The following CFHR5 variants were observed in gnomAD, a reference collection of about 807,000 sequenced individuals.
CFHR5 encodes complement factor H related 5.
CFHR5 carries 73 observed loss-of-function variants against 62.9 expected under a neutral mutation model. The observed-to-expected ratio is 1.16, with a 90% confidence interval of 0.96 to 1.41. The LOEUF (loss-of-function observed/expected upper bound fraction) is 1.41. Among genes scored for constraint, CFHR5 ranks in the 40% most tolerant of loss-of-function variants. The pLI is 0.00. For synonymous variants in CFHR5, 249 were observed against 227.2 expected, an observed-to-expected ratio of 1.10 and a Z score of -0.86; for missense variants, 779 against 679.9, an observed-to-expected ratio of 1.15 and a Z score of -1.62.
chr1:197,007,693 T>A (rs902209608), intron 9 of CFHR5, among the ~76,000 whole-genome samples: 2 of 147,850 alleles, frequency 1.4e-5, no homozygotes, highest in East Asian at 1.9e-4. Context: ...TAAGTATGTA[T>A]GTATAATATA....
chr1:196,997,855 ACTAT>A (rs1267941415), intron 6 of CFHR5, among the ~76,000 whole-genome samples: 2 of 152,126 alleles, frequency 1.3e-5, no homozygotes, highest in South Asian at 4.1e-4. Flanking sequence ...CTTCCTAAGA[ACTAT>A]CTTTCAGTCA....
At chr1:196,995,598 C>T (rs1186297138) in intron 4 of CFHR5, 119 bp from the exon 5 acceptor site, 24 of 805,586 alleles carry the variant, frequency 3.0e-5, no homozygotes, top group Admixed American at 6.1e-5. Flanking sequence ...AAACACATGT[C>T]CCCAAAAATA....
At chr1:196,979,312 G>A (rs1653476889) in intron 1 of CFHR5, among the ~76,000 whole-genome samples, 1 of 150,532 alleles carries the variant, frequency 6.6e-6, no homozygotes, top group Admixed American at 6.6e-5. Flanking sequence ...CTTAATGATA[G>A]GAAAACGTTC....
chr1:196,997,211 A>G (rs1654015529), intron 6 of CFHR5, among the ~76,000 whole-genome samples: 1 of 152,134 alleles, frequency 6.6e-6, no homozygotes, highest in Non-Finnish European at 1.5e-5. Flanking sequence ...CCGTTGTCCC[A>G]GCAAATACCT....
chr1:196,982,847 C>A, intron 1 of CFHR5, 38 bp from the exon 2 acceptor site: 1 of 1,565,002 alleles, frequency 6.4e-7, no homozygotes, highest in African/African-American at 1.4e-5. Context: ...CGATGTAGCT[C>A]TTTATTTAAT....
chr1:196,978,230 T>C (rs764132520), intron 1 of CFHR5, among the ~76,000 whole-genome samples: 9 of 152,258 alleles, frequency 5.9e-5, no homozygotes, highest in Middle Eastern at 3.4e-3. Context: ...GAAAATATTA[T>C]TTTTATATAT....
At chr1:196,994,639 A>G (rs1653940828) in intron 4 of CFHR5, among the ~76,000 whole-genome samples, 1 of 152,186 alleles carries the variant, frequency 6.6e-6, no homozygotes. Flanking sequence ...TCATTAGAAA[A>G]CAGTGATGAT....
intron 3 of CFHR5, among the ~76,000 whole-genome samples, chr1:196,987,214 T>A (rs187196180): frequency 2.1e-3 from 312 of 148,096 alleles, no homozygotes; most frequent in African/African-American, 8.0e-3. Flanking sequence ...TTTGATGGGG[T>A]TTTTTCTTGT....
chr1:197,001,638 G>T (rs553229335), intron 7 of CFHR5, among the ~76,000 whole-genome samples: 374 of 151,620 alleles, frequency 2.5e-3, no homozygotes, highest in African/African-American at 8.8e-3. Context: ...TGTCATGTTG[G>T]TGTGCTGCAC....
At chr1:197,001,093 T>C (rs1654142038) in intron 7 of CFHR5, among the ~76,000 whole-genome samples, 1 of 152,176 alleles carries the variant, frequency 6.6e-6, no homozygotes, top group Non-Finnish European at 1.5e-5. Context: ...AAAAGACTGG[T>C]CTTGTTAATG....
chr1:197,002,475 T>TAA lies in CFHR5; in HGVS notation c.1148-7_1148-6insAA. The TAA allele has an allele frequency of 6.2e-7, 1 of 1,608,522 alleles. No homozygotes were observed. The highest frequency in any genetic ancestry group is 8.5e-7 in the Non-Finnish European group (1 of 1,175,554). On this transcript the variant is annotated splice_polypyrimidine_tract_variant and splice_region_variant and intron_variant, in intron 7 of 9. Coordinates refer to ENST00000256785, the MANE Select transcript of CFHR5 (RefSeq NM_030787.4). The stretch of plus-strand genomic sequence containing the variant: ...TAATCATATAATTTAATTCCAATAT[T>TAA]TTGTAGAAAAAAGGGAACAATTCTG...
At chr1:196,999,805 A>ATG (rs538840550) in intron 7 of CFHR5, among the ~76,000 whole-genome samples, 4,764 of 135,300 alleles carry the variant, frequency 0.035, 126 homozygotes, top group South Asian at 0.087. Flanking sequence ...GTGTATATAT[A>ATG]TGTGTGTGTG....
At chr1:197,006,039 T>C (rs967092872) in intron 9 of CFHR5, among the ~76,000 whole-genome samples, 6 of 152,208 alleles carry the variant, frequency 3.9e-5, no homozygotes, top group African/African-American at 1.4e-4. Flanking sequence ...CTTGGAGTGA[T>C]TGATGGATAG....
intron 4 of CFHR5, among the ~76,000 whole-genome samples, chr1:196,995,513 C>T (rs994972112): frequency 1.3e-5 from 2 of 152,024 alleles, no homozygotes; most frequent in Non-Finnish European, 2.9e-5. Context: ...CTTTCATTTG[C>T]TCAAAATTGT....
intron 2 of CFHR5, among the ~76,000 whole-genome samples, chr1:196,983,550 A>G (rs1433142114): frequency 1.3e-5 from 2 of 152,206 alleles, no homozygotes; most frequent in African/African-American, 2.4e-5. Context: ...ATAAATGTAG[A>G]GACCAGACTC....
intron 7 of CFHR5, among the ~76,000 whole-genome samples, chr1:197,001,305 A>G (rs552727992): frequency 6.6e-5 from 10 of 152,132 alleles, no homozygotes; most frequent in Non-Finnish European, 1.3e-4. Flanking sequence ...AAAAATAAGG[A>G]AAAATCCAGT....
rs138797107 is a variant in CFHR5 at position 197,008,577 on chromosome 1, A to G, written c.1604A>G (p.Asp535Gly). ...GGAAAACTCTATGCAAAAACAGGGGATGCTGTTGAATTCCAGTGTAAATTC... is the reference window on the plus strand; with the variant it reads ...GGAAAACTCTATGCAAAAACAGGGGGTGCTGTTGAATTCCAGTGTAAATTC... ...NDGKLYAKTG[D>G]AVEFQCKFPH... Residue 535 changes from aspartate (D) to glycine (G), a missense_variant, in exon 10 of 10, where the codon GAT (aspartate) becomes GGT (glycine). Transcript: ENST00000256785. 2.7e-5 allele frequency: 44 copies of G among 1,613,338 alleles called. No individual in the cohort carries two copies. The highest frequency in any genetic ancestry group is 2.5e-6 in the Non-Finnish European group (3 of 1,179,470).
chr1:196,994,802 G>A (rs1393078997), intron 4 of CFHR5, among the ~76,000 whole-genome samples: 2 of 152,140 alleles, frequency 1.3e-5, no homozygotes, highest in African/African-American at 2.4e-5. Context: ...ACAGTTTCAC[G>A]TGGCTGGGGA....
upstream of CFHR5, among the ~76,000 whole-genome samples, chr1:196,976,000 A>AG (rs1653388117): frequency 6.6e-6 from 1 of 152,140 alleles, no homozygotes; most frequent in Non-Finnish European, 1.5e-5. Context: ...AAAAAGTGTC[A>AG]GGGTCATTGA....
Sources: allele counts gnomAD v4.1 joint callset (sites outside exome capture counted in the v4.1 genomes callset), GRCh38; gene constraint gnomAD v4.1.1; transcripts MANE v1.5; gene names NCBI Gene and HGNC (gene_info 2026-07-23, HGNC 2026-07-21).